The following CRB1 variants were observed in gnomAD, a reference collection of about 807,000 sequenced individuals.
CRB1 encodes the protein crumbs cell polarity complex component 1, also known as protein crumbs homolog 1.
In CRB1, 83 loss-of-function variants were observed where a neutral mutation model predicts 120.0. That is an observed-to-expected ratio of 0.69 (90% CI 0.58 to 0.83). CRB1 has a LOEUF of 0.83. Ranked by LOEUF, CRB1 falls within the 40% of genes least tolerant of loss-of-function variation. The probability of loss-of-function intolerance (pLI) is 0.00; values close to 1 mark genes in which losing one functional copy is unlikely to be tolerated. For missense variants in CRB1, 1,699 were observed against 1,687.6 expected (o/e 1.01, Z -0.12); for synonymous variants, 625 against 612.5 (o/e 1.02, Z -0.30).
At chr1:197,279,453 AC>A (rs1420103583) in intron 1 of CRB1, among the ~76,000 whole-genome samples, 1 of 151,678 alleles carries the variant, frequency 6.6e-6, no homozygotes, top group Non-Finnish European at 1.5e-5. Context: ...GTAATTATAA[AC>A]TCAAATAATT....
At chr1:197,204,339 C>T in the CRB1 span, among the ~76,000 whole-genome samples, 3 of 152,302 alleles carry the variant, frequency 2.0e-5, no homozygotes, top group East Asian at 5.8e-4. Context: ...ACTGGTAGTT[C>T]TTTAAGGAAT....
intron 5 of CRB1, chr1:197,357,332 GATA>G: frequency 2.6e-6 from 1 of 388,162 alleles, no homozygotes; most frequent in Non-Finnish European, 4.8e-6. Context: ...TATCAAATTT[GATA>G]ATGATGTTAA....
At chr1:197,206,514 A>G in the CRB1 span, among the ~76,000 whole-genome samples, 5 of 152,132 alleles carry the variant, frequency 3.3e-5, no homozygotes, top group Admixed American at 1.3e-4. Context: ...TGTTGACCCA[A>G]TGATCATTCA....
chr1:197,322,198 T>G (rs1418390445), intron 1 of CRB1, among the ~76,000 whole-genome samples: 1 of 152,122 alleles, frequency 6.6e-6, no homozygotes, highest in Admixed American at 6.6e-5. Context: ...GTTTTTACAC[T>G]GGCCAGGTAC....
intron 5 of CRB1, among the ~76,000 whole-genome samples, chr1:197,383,101 G>C (rs1248358443): frequency 3.3e-5 from 5 of 152,002 alleles, no homozygotes; most frequent in Non-Finnish European, 7.4e-5. Context: ...GGCTTGAATG[G>C]GCCCAAAGTT....
At chr1:197,352,623 T>C (rs1660165299) in intron 4 of CRB1, among the ~76,000 whole-genome samples, 1 of 152,108 alleles carries the variant, frequency 6.6e-6, no homozygotes, top group Non-Finnish European at 1.5e-5. Flanking sequence ...CTGAATGATC[T>C]TTGTTGCGGG....
chr1:197,330,544 C>G (rs1016213843), intron 2 of CRB1, among the ~76,000 whole-genome samples: 2 of 152,164 alleles, frequency 1.3e-5, no homozygotes, highest in East Asian at 3.9e-4. Flanking sequence ...ATTTCTTATA[C>G]AAGTCATTTC....
the CRB1 span, among the ~76,000 whole-genome samples, chr1:197,202,041 G>A: frequency 6.6e-6 from 1 of 152,104 alleles, no homozygotes; most frequent in Non-Finnish European, 1.5e-5. Flanking sequence ...CTGCGGACTC[G>A]TATTATGAAG....
intron 1 of CRB1, among the ~76,000 whole-genome samples, chr1:197,272,760 C>T (rs1329767852): frequency 6.6e-6 from 1 of 151,970 alleles, no homozygotes; most frequent in Non-Finnish European, 1.5e-5. Flanking sequence ...TCAGTGGCTG[C>T]CAGAGAATCA....
intron 5 of CRB1, among the ~76,000 whole-genome samples, chr1:197,397,211 CAT>C (rs1662815823): frequency 6.6e-6 from 1 of 152,100 alleles, no homozygotes; most frequent in Non-Finnish European, 1.5e-5. Context: ...ATTGAAACCA[CAT>C]GAGATATCAC....
At chr1:197,375,281 T>C (rs1661586009) in intron 5 of CRB1, among the ~76,000 whole-genome samples, 1 of 152,178 alleles carries the variant, frequency 6.6e-6, no homozygotes, top group Non-Finnish European at 1.5e-5. Context: ...GTATCATGTT[T>C]ATGTAGGTTT....
chr1:197,438,859 G>T (rs1368284724), intron 10 of CRB1, 184 bp downstream of exon 10: 4 of 603,616 alleles, frequency 6.6e-6, no homozygotes, highest in Middle Eastern at 4.9e-4. Context: ...TCAAAGGGGA[G>T]AACATTTTAT....
At chr1:197,211,402 G>A in the CRB1 span, among the ~76,000 whole-genome samples, 1 of 152,158 alleles carries the variant, frequency 6.6e-6, no homozygotes, top group Non-Finnish European at 1.5e-5. Flanking sequence ...ATATACAATA[G>A]AAATTTATTT....
intron 2 of CRB1, among the ~76,000 whole-genome samples, chr1:197,334,135 A>G (rs1659014769): frequency 6.6e-6 from 1 of 152,196 alleles, no homozygotes; most frequent in African/African-American, 2.4e-5. Context: ...TATGCATTTA[A>G]AACAAGTTCC....
intron 4 of CRB1, among the ~76,000 whole-genome samples, chr1:197,354,653 G>A (rs529700260): frequency 6.6e-6 from 1 of 152,150 alleles, no homozygotes; most frequent in East Asian, 1.9e-4. Flanking sequence ...GACCTTCATG[G>A]TGAGTGCTAC....
intron 1 of CRB1, among the ~76,000 whole-genome samples, 178 bp from the exon 2 acceptor site, chr1:197,328,238 CACTGAA>C (rs1400755524): frequency 6.6e-6 from 1 of 152,094 alleles, no homozygotes; most frequent in African/African-American, 2.4e-5. Context: ...TTGCATTGTT[CACTGAA>C]AGTACATACA....
chr1:197,401,922 G>T (rs1312488639), intron 5 of CRB1, among the ~76,000 whole-genome samples: 1 of 151,430 alleles, frequency 6.6e-6, no homozygotes, highest in Non-Finnish European at 1.5e-5. Context: ...GCATTTATTT[G>T]TATCTTTTAA....
intron 5 of CRB1, among the ~76,000 whole-genome samples, chr1:197,406,663 A>G (rs1413390299): frequency 2.0e-5 from 3 of 152,344 alleles, no homozygotes; most frequent in Admixed American, 1.3e-4. Flanking sequence ...AAATGAATGG[A>G]TCTCTAACAT....
chr1:197,228,724 A>G, the CRB1 span, among the ~76,000 whole-genome samples: 1 of 152,264 alleles, frequency 6.6e-6, no homozygotes, highest in Admixed American at 6.5e-5. Flanking sequence ...GCCCTGCTCT[A>G]CTGGTACCAA....
Sources: allele counts gnomAD v4.1 joint callset (sites outside exome capture counted in the v4.1 genomes callset), GRCh38; gene constraint gnomAD v4.1.1; transcripts MANE v1.5; gene names NCBI Gene and HGNC (gene_info 2026-07-23, HGNC 2026-07-21).